DCHS2: variants seen among roughly 807,000 people sequenced by gnomAD.
The protein encoded by DCHS2 is protocadherin-23.
In DCHS2, 142 loss-of-function variants were observed where a neutral mutation model predicts 182.4. The ratio of observed to expected loss-of-function variants is 0.78; its 90% CI spans 0.68 to 0.89. DCHS2 has a LOEUF of 0.89. Ranked by LOEUF, DCHS2 falls within the 40% of genes least tolerant of loss-of-function variation. DCHS2 has a pLI of 0.00. For missense variants in DCHS2, 4,319 were observed against 4,198.6 expected, an observed-to-expected ratio of 1.03 and a Z score of -0.79; for synonymous variants, 1,740 against 1,663.3, an observed-to-expected ratio of 1.05 and a Z score of -1.12.
intron 1 of DCHS2, among the ~76,000 whole-genome samples, chr4:154,425,693 G>A (rs1733295434): frequency 1.3e-5 from 2 of 152,158 alleles, no homozygotes; most frequent in African/African-American, 2.4e-5. Context: ...CAGCTCCGAG[G>A]GAACTCGCAA....
intron 2 of DCHS2, among the ~76,000 whole-genome samples, chr4:154,369,202 G>GATGC (rs1256559767): frequency 6.6e-6 from 1 of 152,142 alleles, no homozygotes; most frequent in Non-Finnish European, 1.5e-5. Flanking sequence ...GGGAAGAAGA[G>GATGC]ATGCATCTTT....
chr4:154,317,330 T>G (rs2111328092), intron 9 of DCHS2, among the ~76,000 whole-genome samples: 1 of 152,358 alleles, frequency 6.6e-6, no homozygotes, highest in Middle Eastern at 3.4e-3. Context: ...TTCCAAGTAT[T>G]ACTGAAACAG....
At chr4:154,450,664 C>G (rs1338147607) in intron 1 of DCHS2, among the ~76,000 whole-genome samples, 1 of 152,002 alleles carries the variant, frequency 6.6e-6, no homozygotes, top group Non-Finnish European at 1.5e-5. Context: ...GAAACCCCAT[C>G]TCTACTAAAA....
At chr4:154,284,863 G>A (rs1238754929) in intron 13 of DCHS2, among the ~76,000 whole-genome samples, 3 of 152,110 alleles carry the variant, frequency 2.0e-5, no homozygotes, top group Non-Finnish European at 4.4e-5. Flanking sequence ...GTGGACTTCG[G>A]GGAGCACATG....
chr4:154,480,425 AT>A (rs938636250), intron 1 of DCHS2, among the ~76,000 whole-genome samples: 2 of 152,208 alleles, frequency 1.3e-5, no homozygotes, highest in Non-Finnish European at 2.9e-5. Context: ...ATTAACTGTC[AT>A]CAGTAATGAA....
intron 1 of DCHS2, among the ~76,000 whole-genome samples, chr4:154,378,348 T>A (rs1433108592): frequency 2.6e-5 from 4 of 151,914 alleles, no homozygotes; most frequent in African/African-American, 9.7e-5. Context: ...GCTTTTAATT[T>A]ACAACCCAAC....
chr4:154,324,817 T>C (rs1286609464), intron 7 of DCHS2, among the ~76,000 whole-genome samples: 1 of 152,244 alleles, frequency 6.6e-6, no homozygotes, highest in East Asian at 1.9e-4. Flanking sequence ...GTGATTTCTA[T>C]GCTTTAATCC....
intron 1 of DCHS2, among the ~76,000 whole-genome samples, chr4:154,381,918 G>T (rs1490370566): frequency 6.6e-6 from 1 of 151,994 alleles, no homozygotes; most frequent in East Asian, 1.9e-4. Context: ...ATTTTACACA[G>T]AATTATAAAA....
rs1040428406 is a variant in DCHS2, at chr4:154,233,140, C to T, written c.*1396G>A. On this transcript the variant is annotated 3_prime_UTR_variant, in exon 20 of 20. Transcript: ENST00000357232. ...TAACTACTAAGAAAGCCACACGATACCCTTTAGATTTCACATTAGAATTCC... is the reference window on the plus strand; with the variant it reads ...TAACTACTAAGAAAGCCACACGATATCCTTTAGATTTCACATTAGAATTCC... The T allele has an allele frequency of 6.6e-6, 1 of 152,132 alleles. No individual in the cohort carries two copies. The highest frequency in any genetic ancestry group is 2.4e-5 in the African/African-American group (1 of 41,428). 9.4% of individuals were successfully genotyped at this position (152,132 alleles called of 1,614,324 possible). A position where few individuals can be genotyped will look rare whatever the true frequency, so the allele number is the denominator to read the frequency against.
At chr4:154,478,819 G>C (rs1476412679) in intron 1 of DCHS2, among the ~76,000 whole-genome samples, 2 of 152,158 alleles carry the variant, frequency 1.3e-5, no homozygotes, top group African/African-American at 4.8e-5. Context: ...TGCAGTTTGA[G>C]TCCAATCAAG....
intron 13 of DCHS2, among the ~76,000 whole-genome samples, chr4:154,296,830 G>A (rs763608598): frequency 6.6e-5 from 10 of 152,098 alleles, no homozygotes; most frequent in Non-Finnish European, 1.2e-4. Context: ...TTAAGCTTCC[G>A]ATAGGCATCT....
chr4:154,434,741 C>G (rs1733702768), intron 1 of DCHS2, among the ~76,000 whole-genome samples: 1 of 152,158 alleles, frequency 6.6e-6, no homozygotes, highest in Admixed American at 6.5e-5. Flanking sequence ...ATAGCATGTA[C>G]TTCTGATATG....
At chr4:154,339,889 CTA>C (rs1180557478) in intron 3 of DCHS2, among the ~76,000 whole-genome samples, 1 of 152,102 alleles carries the variant, frequency 6.6e-6, no homozygotes, top group Non-Finnish European at 1.5e-5. Context: ...ACACACAGAA[CTA>C]TGCATACTGA....
At chr4:154,367,341 G>T (rs1195778214) in intron 2 of DCHS2, among the ~76,000 whole-genome samples, 1 of 152,170 alleles carries the variant, frequency 6.6e-6, no homozygotes, top group East Asian at 1.9e-4. Context: ...TTTGAATCAA[G>T]TCCAGAGTGG....
intron 14 of DCHS2, among the ~76,000 whole-genome samples, chr4:154,266,287 G>A (rs1233115495): frequency 1.3e-5 from 2 of 151,554 alleles, no homozygotes; most frequent in Non-Finnish European, 2.9e-5. Flanking sequence ...AAGAGCAGAT[G>A]ATGTTGATGG....
intron 7 of DCHS2, among the ~76,000 whole-genome samples, chr4:154,326,509 A>C (rs975138876): frequency 6.6e-6 from 1 of 152,092 alleles, no homozygotes; most frequent in African/African-American, 2.4e-5. Context: ...CGTCTTCTTT[A>C]TTCTCAATGC....
At chr4:154,442,540 C>G (rs1344003395) in intron 1 of DCHS2, among the ~76,000 whole-genome samples, 5 of 66,792 alleles carry the variant, frequency 7.5e-5, no homozygotes, top group Admixed American at 3.6e-4. Context: ...CCCCCCCCCC[C>G]CCACACACAC....
rs191584275 is a variant in DCHS2, at chr4:154,266,515, G to T, written c.6577+3385C>A. On this transcript the variant is annotated intron_variant, in intron 14 of 19. Transcript: ENST00000357232. ...AAAAAAATTACAAAAAATTACCTGGGTGTGGTGGCGCATGCCTGTAGTCCT... is the reference window on the plus strand; with the variant it reads ...AAAAAAATTACAAAAAATTACCTGGTTGTGGTGGCGCATGCCTGTAGTCCT... Among the ~76,000 whole-genome samples the T allele has an allele frequency of 2.0e-3, 300 of 152,190 alleles. 1 individual carries two copies. The highest frequency in any genetic ancestry group is 6.4e-3 in the African/African-American group (264 of 41,534).
chr4:154,305,175 C>T lies in DCHS2; in HGVS notation c.5317G>A (p.Glu1773Lys), dbSNP rs759769096. The change falls in exon 11 of 20, where the codon GAG becomes AAG. Residue 1773 changes from glutamate (E) to lysine (K), a missense_variant. Transcript: ENST00000357232. ...IMPGASFELF[E>K]INSDTGEVVT... Reference sequence around the variant, plus strand: ...ACCTCTCCAGTGTCAGAATTTATCTCGAATAATTCAAATGAAGCACCTGGC... The same window carrying T: ...ACCTCTCCAGTGTCAGAATTTATCTTGAATAATTCAAATGAAGCACCTGGC... The T allele has an allele frequency of 5.6e-6, 9 of 1,612,406 alleles. No individual in the cohort carries two copies. The highest frequency in any genetic ancestry group is 6.8e-6 in the Non-Finnish European group (8 of 1,179,324).
Sources: gnomAD v4.1 joint callset for allele counts (sites outside exome capture counted in the v4.1 genomes callset) on GRCh38, gnomAD v4.1.1 for gene constraint, MANE v1.5 for transcripts, NCBI Gene and HGNC (gene_info 2026-07-23, HGNC 2026-07-21) for gene names.